The following EDEM3 variants were observed in gnomAD, a reference collection of about 807,000 sequenced individuals.
EDEM3 encodes ER degradation enhancing alpha-mannosidase like protein 3.
In EDEM3, 60 loss-of-function variants were observed where a neutral mutation model predicts 110.2. That is an observed-to-expected ratio of 0.54 (90% confidence interval 0.44 to 0.67). The LOEUF is 0.67. EDEM3 is among the 30% of genes least tolerant of loss of function. The pLI, the probability that EDEM3 is intolerant of heterozygous loss-of-function variation, is 0.00. For missense variants in EDEM3, 996 were observed against 1,121.0 expected (o/e 0.89, Z 1.59); for synonymous variants, 352 against 382.9 (o/e 0.92, Z 0.94).
chr1:184,733,105 T>G, intron 5 of EDEM3, 115 bp from the exon 6 acceptor site: 1 of 1,080,038 alleles, frequency 9.3e-7, no homozygotes, highest in Non-Finnish European at 1.3e-6. Flanking sequence ...AAGACAAAAA[T>G]TACTTAAACA....
chr1:184,701,465 T>C, intron 19 of EDEM3: 2 of 1,235,600 alleles, frequency 1.6e-6, no homozygotes, highest in Non-Finnish European at 1.0e-6. Flanking sequence ...TATACGTATA[T>C]AATTTAAGGC....
At chr1:184,703,641 G>A (rs1469590866) in intron 18 of EDEM3, among the ~76,000 whole-genome samples, 2 of 151,984 alleles carry the variant, frequency 1.3e-5, no homozygotes, top group East Asian at 2.0e-4. Flanking sequence ...TACTGAAGAC[G>A]ACAATCACGA....
In EDEM3 at chr1:184,691,937, A is replaced by T. The variant is rs1300492330; in HGVS notation, c.*2126T>A. The T allele has an allele frequency of 6.6e-6, 1 of 152,114 alleles. No individual in the cohort carries two copies. Among genetic ancestry groups the T allele is most frequent in the Non-Finnish European group, 1.5e-5 (1 of 67,986 alleles). 9.4% of individuals were successfully genotyped at this position (152,114 alleles called of 1,614,324 possible). Reference sequence around the variant, plus strand: ...ATGGCCAAAGGAAGAGAGTGGCAGTAAGCTGGCTTTTCCAATGTGTCACAC... The same window carrying T: ...ATGGCCAAAGGAAGAGAGTGGCAGTTAGCTGGCTTTTCCAATGTGTCACAC... On this transcript the variant is annotated 3_prime_UTR_variant, in exon 20 of 20. Transcript: ENST00000318130.
chr1:184,746,584 T>C (rs1280131141), intron 2 of EDEM3, among the ~76,000 whole-genome samples: 1 of 152,188 alleles, frequency 6.6e-6, no homozygotes, highest in East Asian at 1.9e-4. Context: ...AACCATTGTC[T>C]TCATTTTGCA....
intron 19 of EDEM3, among the ~76,000 whole-genome samples, chr1:184,700,817 TTC>T (rs1649575906): frequency 1.3e-5 from 2 of 152,016 alleles, no homozygotes; most frequent in Non-Finnish European, 2.9e-5. Context: ...TACCATTGAT[TTC>T]TGTTACATTA....
rs934887645 is a variant in EDEM3, at chr1:184,706,375, A to AT, written c.2203+267dup. On this transcript the variant is annotated intron_variant, in intron 18 of 19. Coordinates refer to ENST00000318130, the MANE Select transcript of EDEM3 (RefSeq NM_025191.4). ...CACCTTTTCTTATCCATGGTACTGAATTTTTTTACTACTCAGCCCTACCTC... is the reference window on the plus strand; with the variant it reads ...CACCTTTTCTTATCCATGGTACTGAATTTTTTTTACTACTCAGCCCTACCTC... 2.0e-5 allele frequency among the ~76,000 whole-genome samples: 3 copies of AT among 151,978 alleles called. No homozygotes were observed. The South Asian group carries it at 6.2e-4, about 32-fold the overall frequency.
Position 184,736,040 on chromosome 1 carries a change from G to A in EDEM3, c.345+985C>T, listed in dbSNP as rs148075786. Among the ~76,000 whole-genome samples, 943 of 152,200 alleles carry A rather than the reference G, an allele frequency of 6.2e-3. 2 individuals carry two copies. Among genetic ancestry groups the A allele is most frequent in the Non-Finnish European group, 9.4e-3 (639 of 67,988 alleles). ...CATATTCCATTAATCTCCAAAAAAT[G>A]AAGCTGTGACTTTCAAACCCTGACT... On this transcript the variant is annotated intron_variant, in intron 4 of 19. Transcript: ENST00000318130.
At position 184,737,727 on chromosome 1, in the gene EDEM3, T is replaced by A. The variant is rs1000507437; in HGVS notation, c.205-16A>T. 4 of 1,609,726 alleles carry A rather than the reference T, an allele frequency of 2.5e-6. No homozygotes were observed. In the South Asian group the frequency reaches 4.4e-5, roughly 18 times the overall value. ...AAGCATGTTCCTGCAAGGAAAACTT[T>A]AGTAAGTTACTAAGGAAAATAAGCG... is the stretch of plus-strand genomic sequence containing the variant. On this transcript the variant is annotated splice_polypyrimidine_tract_variant and intron_variant, in intron 2 of 19. Transcript: ENST00000318130.
chr1:184,711,277 T>G (rs1472211644), intron 15 of EDEM3, among the ~76,000 whole-genome samples: 1 of 152,090 alleles, frequency 6.6e-6, no homozygotes, highest in East Asian at 1.9e-4. Context: ...TTTTTGTATT[T>G]TTAGTACAGA....
In EDEM3 at chr1:184,723,757, G is replaced by A. The variant is rs775527038; in HGVS notation, c.847C>T (p.Arg283Ter). The part of the protein sequence containing the change: ...TINIHTGDWV[R>*]KDSGVGAGID... ...AAAAGCCTAACTTACATACCTTTTC[G>A]TACCCAATCTCCAGTATGAATATTT... is the stretch of plus-strand genomic sequence containing the variant. The change falls in exon 8 of 20, where the codon CGA becomes TGA. Residue 283 changes from arginine (R) to a stop codon, truncating the protein, a stop_gained. Transcript: ENST00000318130. LOFTEE classifies it high-confidence loss of function. The A allele has an allele frequency of 6.3e-6, 10 of 1,591,778 alleles. No individual in the cohort carries two copies. The highest frequency in any genetic ancestry group is 2.3e-5 in the East Asian group (1 of 43,954).
chr1:184,712,731 C>T, intron 13 of EDEM3, 133 bp from the exon 14 acceptor site: 3 of 580,526 alleles, frequency 5.2e-6, no homozygotes, highest in Non-Finnish European at 8.4e-6. Flanking sequence ...TAGAATGTAT[C>T]AATCTACCAG....
At chr1:184,712,727 G>A (rs1650323777) in intron 13 of EDEM3, 129 bp from the exon 14 acceptor site, 1 of 584,740 alleles carries the variant, frequency 1.7e-6, no homozygotes, top group African/African-American at 2.0e-5. Context: ...ACTATAGAAT[G>A]TATCAATCTA....
At chr1:184,695,241 T>C (rs1649267283) in intron 19 of EDEM3, among the ~76,000 whole-genome samples, 1 of 152,058 alleles carries the variant, frequency 6.6e-6, no homozygotes, top group African/African-American at 2.4e-5. Flanking sequence ...GCCTCTGTGA[T>C]GCAGTTGGCC....
Position 184,742,999 on chromosome 1 carries a change from T to C in EDEM3, c.205-5288A>G, listed in dbSNP as rs141244753. Among the ~76,000 whole-genome samples the C allele has an allele frequency of 2.9e-3, 434 of 152,266 alleles. 5 individuals carry two copies. In the East Asian group the frequency reaches 0.036, roughly 13 times the overall value. Reference sequence around the variant, plus strand: ...GTTTTCTAACACACAGACACACACATACCTCTGTCTGAAATTAATATAAAT... The same window carrying C: ...GTTTTCTAACACACAGACACACACACACCTCTGTCTGAAATTAATATAAAT... On this transcript the variant is annotated intron_variant, in intron 2 of 19. Coordinates refer to ENST00000318130, the MANE Select transcript of EDEM3 (RefSeq NM_025191.4).
chr1:184,754,745 G>A lies in EDEM3; in HGVS notation c.-99C>T. 2.1e-6 allele frequency: 3 copies of A among 1,415,798 alleles called. No individual in the cohort carries two copies. In the South Asian group the frequency reaches 4.5e-5, roughly 21 times the overall value. 87.7% of individuals were successfully genotyped at this position (1,415,798 alleles called of 1,614,324 possible). A position where few individuals can be genotyped will look rare whatever the true frequency, so the allele number is the denominator to read the frequency against. Reference sequence around the variant, plus strand: ...GGGGCTGCTAGCCGTGCCGAGACGGGGCGGGATGCGGAGTAACACGGACGG... The same window carrying A: ...GGGGCTGCTAGCCGTGCCGAGACGGAGCGGGATGCGGAGTAACACGGACGG... On this transcript the variant is annotated 5_prime_UTR_variant, in exon 1 of 20. Coordinates refer to ENST00000318130, the MANE Select transcript of EDEM3 (RefSeq NM_025191.4).
intron 9 of EDEM3, chr1:184,721,068 T>C (rs1316023708): frequency 9.7e-6 from 4 of 414,366 alleles, no homozygotes; most frequent in Non-Finnish European, 1.7e-5. Flanking sequence ...ATCTGCAAAG[T>C]TTCTGATAAA....
chr1:184,734,713 T>C (rs1651728379), intron 4 of EDEM3, 70 bp from the exon 5 acceptor site: 1 of 480,172 alleles, frequency 2.1e-6, no homozygotes, highest in Non-Finnish European at 3.6e-6. Context: ...TAGAATGAGC[T>C]ATTAAAAGTC....
intron 17 of EDEM3, among the ~76,000 whole-genome samples, 164 bp downstream of exon 17, chr1:184,707,989 T>C (rs532765978): frequency 1.4e-4 from 22 of 152,340 alleles, no homozygotes; most frequent in Admixed American, 2.6e-4. Context: ...AAATTATGAC[T>C]CAAAGTTTTC....
Position 184,708,249 on chromosome 1 carries a change from T to C in EDEM3, c.1941A>G (p.Pro647=), listed in dbSNP as rs770121902. The C allele has an allele frequency of 1.2e-6, 2 of 1,613,594 alleles. No individual in the cohort carries two copies. Among genetic ancestry groups the C allele is most frequent in the Non-Finnish European group, 1.7e-6 (2 of 1,179,844 alleles). The part of the protein sequence containing the change: ...SQQQKEQQLP[P]RAVQIVSHPF... ...GGTGGGAAACAATTTGTACAGCTCG[T>C]GGAGGCAGCTGCTGTTCTTTTTGTT... The change falls in exon 17 of 20, where the codon CCA becomes CCG. Residue 647 remains proline, a synonymous_variant. Transcript: ENST00000318130.
Sources: gnomAD v4.1 joint callset for allele counts (sites outside exome capture counted in the v4.1 genomes callset) on GRCh38, gnomAD v4.1.1 for gene constraint, MANE v1.5 for transcripts, NCBI Gene and HGNC (gene_info 2026-07-23, HGNC 2026-07-21) for gene names.